The following WWOX variants were observed in gnomAD, a reference collection of about 807,000 sequenced individuals.
WWOX encodes the protein WW domain-containing oxidoreductase.
WWOX carries 69 observed loss-of-function variants against 46.2 expected under a neutral mutation model. The observed-to-expected ratio is 1.49, with a 90% confidence interval of 1.23 to 1.82. WWOX has a LOEUF of 1.82. WWOX is among the 40% of genes most tolerant of loss of function. The probability of loss-of-function intolerance (pLI) is 0.00; values close to 1 mark genes in which losing one functional copy is unlikely to be tolerated. For missense variants in WWOX, 919 were observed against 542.6 expected (o/e 1.69, Z -6.89); for synonymous variants, 359 against 202.6 (o/e 1.77, Z -6.56).
intron 8 of WWOX, among the ~76,000 whole-genome samples, chr16:79,189,421 CTTTG>C (rs1206721884): frequency 1.6e-5 from 2 of 126,758 alleles, no homozygotes; most frequent in Non-Finnish European, 1.6e-5. Flanking sequence ...CCACTCCCAG[CTTTG>C]TGTGTGTGTG....
chr16:78,542,258 C>G (rs1263953848), intron 8 of WWOX, among the ~76,000 whole-genome samples: 1 of 151,990 alleles, frequency 6.6e-6, no homozygotes, highest in African/African-American at 2.4e-5. Flanking sequence ...CTCCTGGTGC[C>G]ATTTTCCTGA....
chr16:78,115,710 T>G (rs911297223), intron 4 of WWOX, among the ~76,000 whole-genome samples: 8 of 152,176 alleles, frequency 5.3e-5, no homozygotes, highest in Non-Finnish European at 1.0e-4. Flanking sequence ...CAAGAGGGTA[T>G]CCTTGCTTCA....
At chr16:78,152,723 G>C (rs2034460642) in intron 4 of WWOX, among the ~76,000 whole-genome samples, 1 of 152,172 alleles carries the variant, frequency 6.6e-6, no homozygotes, top group Non-Finnish European at 1.5e-5. Context: ...AGCACTAGTA[G>C]CCAGCCTGGG....
chr16:78,762,052 G>C (rs2049807526), intron 8 of WWOX, among the ~76,000 whole-genome samples: 1 of 152,176 alleles, frequency 6.6e-6, no homozygotes. Flanking sequence ...CCTATTTGGT[G>C]TCAACTCTGT....
intron 5 of WWOX, among the ~76,000 whole-genome samples, chr16:78,175,447 T>C (rs2035310246): frequency 1.3e-5 from 2 of 152,344 alleles, no homozygotes; most frequent in African/African-American, 4.8e-5. Context: ...GAATAGAATT[T>C]GGCAGAAATG....
chr16:79,164,583 T>C lies in WWOX; in HGVS notation c.1057-47025T>C, dbSNP rs940954892. The stretch of plus-strand genomic sequence containing the variant: ...GTCCAGAGCAAGAATGCAGAGCTCA[T>C]GGTGGAGACCTCCGGCTGACACCAA... On this transcript the variant is annotated intron_variant, in intron 8 of 8. Transcript: ENST00000566780. Among the ~76,000 whole-genome samples the C allele has an allele frequency of 2.6e-5, 4 of 152,176 alleles. No individual in the cohort carries two copies. The South Asian group carries it at 6.2e-4, about 24-fold the overall frequency.
intron 8 of WWOX, among the ~76,000 whole-genome samples, chr16:78,718,031 C>T (rs189810275): frequency 7.1e-6 from 1 of 141,624 alleles, no homozygotes; most frequent in Admixed American, 7.2e-5. Flanking sequence ...TGGTATTAGC[C>T]TGCCAGACTG....
At chr16:78,955,148 A>G (rs535044021) in intron 8 of WWOX, among the ~76,000 whole-genome samples, 18 of 152,200 alleles carry the variant, frequency 1.2e-4, no homozygotes, top group African/African-American at 4.3e-4. Context: ...GGAAAAGGAA[A>G]CTTTGCTGTT....
chr16:78,107,273 A>G (rs2032205276), intron 1 of WWOX, among the ~76,000 whole-genome samples: 1 of 152,170 alleles, frequency 6.6e-6, no homozygotes, highest in Non-Finnish European at 1.5e-5. Flanking sequence ...ATACCTTATT[A>G]CCTGGTGACA....
chr16:78,888,987 C>T (rs930499956), intron 8 of WWOX, among the ~76,000 whole-genome samples: 4 of 151,944 alleles, frequency 2.6e-5, no homozygotes, highest in Admixed American at 2.0e-4. Context: ...CTGGTCAGTC[C>T]TCCTCACCAC....
At chr16:79,042,768 G>C (rs1229691208) in intron 8 of WWOX, among the ~76,000 whole-genome samples, 2 of 148,252 alleles carry the variant, frequency 1.3e-5, no homozygotes, top group Non-Finnish European at 3.0e-5. Flanking sequence ...TCCTTGATCA[G>C]GATTTCTCAA....
At chr16:78,937,735 CT>C (rs1253852939) in intron 8 of WWOX, among the ~76,000 whole-genome samples, 1 of 151,948 alleles carries the variant, frequency 6.6e-6, no homozygotes, top group Non-Finnish European at 1.5e-5. Flanking sequence ...AGCGATTCTC[CT>C]GCCTCAGCCT....
chr16:78,433,444 G>T (rs1045247800), intron 8 of WWOX, among the ~76,000 whole-genome samples: 1 of 152,140 alleles, frequency 6.6e-6, no homozygotes, highest in Non-Finnish European at 1.5e-5. Context: ...TGAAGAAAGC[G>T]TATTTTCCAC....
chr16:79,098,028 T>A (rs1475995135), intron 8 of WWOX, among the ~76,000 whole-genome samples: 1 of 152,204 alleles, frequency 6.6e-6, no homozygotes, highest in East Asian at 1.9e-4. Context: ...TCTGGAACAT[T>A]GCCTGTCCAA....
rs748779769 is a variant in WWOX at position 78,750,308 on chromosome 16, CA to C, written c.1056+317557del. 1.9e-3 allele frequency among the ~76,000 whole-genome samples: 285 copies of C among 152,264 alleles called. 1 individual carries two copies. The highest frequency in any genetic ancestry group is 6.3e-3 in the African/African-American group (262 of 41,548). On this transcript the variant is annotated intron_variant, in intron 8 of 8. Coordinates refer to ENST00000566780, the MANE Select transcript of WWOX (RefSeq NM_016373.4). ...GACAGAAATGAGAGGCACAAAATTT[CA>C]TAGCTGTCTTGCCCCTCCTGTGGTC...
chr16:78,982,594 T>C (rs111250031), intron 8 of WWOX, among the ~76,000 whole-genome samples: 2,229 of 152,302 alleles, frequency 0.015, 68 homozygotes, highest in African/African-American at 0.051. Flanking sequence ...GCTGCTATTG[T>C]ATGCTCTATG....
rs2081027985 is a variant in WWOX, at chr16:78,342,185, T to C, written c.517-44675T>C. On this transcript the variant is annotated intron_variant, in intron 5 of 8. Coordinates refer to ENST00000566780, the MANE Select transcript of WWOX (RefSeq NM_016373.4). ...CTGAATGCTTTATCAGAAAACTGTA[T>C]TTGGAGGGGACCTTTCTGGGGTCTT... Among the ~76,000 whole-genome samples the C allele has an allele frequency of 1.6e-5, 2 of 121,356 alleles. 1 individual carries two copies. The highest frequency in any genetic ancestry group is 4.0e-5 in the Non-Finnish European group (2 of 50,614). The allele number at this position is 121,356 out of a possible 152,430, so 79.6% of individuals were successfully genotyped here.
intron 8 of WWOX, among the ~76,000 whole-genome samples, chr16:78,453,997 T>C (rs1012338644): frequency 6.6e-6 from 1 of 152,212 alleles, no homozygotes; most frequent in Non-Finnish European, 1.5e-5. Flanking sequence ...TTTGTTGTCA[T>C]TGAGTTTTTG....
chr16:78,960,421 C>A (rs974864824), intron 8 of WWOX, among the ~76,000 whole-genome samples: 2 of 152,178 alleles, frequency 1.3e-5, no homozygotes, highest in Non-Finnish European at 2.9e-5. Context: ...TCTCTACCAT[C>A]CTCAATACTT....
Sources: allele counts gnomAD v4.1 joint callset (sites outside exome capture counted in the v4.1 genomes callset), GRCh38; gene constraint gnomAD v4.1.1; transcripts MANE v1.5; gene names NCBI Gene and HGNC (gene_info 2026-07-23, HGNC 2026-07-21).